GBE1: variants seen among roughly 807,000 people sequenced by gnomAD.
The protein encoded by GBE1 is 1,4-alpha-glucan branching enzyme 1.
A neutral mutation model predicts 88.8 loss-of-function variants in GBE1; 70 were observed. That is an observed-to-expected ratio of 0.79 (90% CI 0.65 to 0.96). The LOEUF (loss-of-function observed/expected upper bound fraction) is 0.96. Ranked by LOEUF, GBE1 falls within the 40% of genes least tolerant of loss-of-function variation. The pLI is 0.00. For synonymous variants in GBE1, 284 were observed against 300.1 expected, an observed-to-expected ratio of 0.95 and a Z score of 0.56; for missense variants, 872 against 871.0, an observed-to-expected ratio of 1.00 and a Z score of -0.01.
At chr3:81,741,665 G>A (rs1468080876) in intron 1 of GBE1, among the ~76,000 whole-genome samples, 1 of 151,496 alleles carries the variant, frequency 6.6e-6, no homozygotes, top group East Asian at 1.9e-4. Flanking sequence ...TAAAAGCCAT[G>A]CATACATCAC....
In GBE1 at chr3:81,578,043, A is replaced by T. The variant is rs1411088422; in HGVS notation, c.1500T>A (p.Tyr500Ter). The change falls in exon 12 of 16, where the codon TAT (tyrosine) becomes TAA (stop). Residue 500 changes from tyrosine (Y) to a stop codon, truncating the protein, a stop_gained. Transcript: ENST00000429644. LOFTEE classifies it high-confidence loss of function. Reference sequence around the variant, plus strand: ...AAGGAGTCAGGACACTCATGTTTGTATACATTTCGGCATCCATCAACCAAA... The same window carrying T: ...AAGGAGTCAGGACACTCATGTTTGTTTACATTTCGGCATCCATCAACCAAA... The part of the protein sequence containing the change: ...LAFWLMDAEM[Y>*]TNMSVLTPFT... 1 of 1,610,046 alleles carries T rather than the reference A, an allele frequency of 6.2e-7. No homozygotes were observed. Among genetic ancestry groups the T allele is most frequent in the Non-Finnish European group, 8.5e-7 (1 of 1,178,190 alleles).
At chr3:81,682,072 A>G (rs1705353208) in intron 2 of GBE1, among the ~76,000 whole-genome samples, 1 of 152,234 alleles carries the variant, frequency 6.6e-6, no homozygotes, top group Non-Finnish European at 1.5e-5. Context: ...ATATTTAACA[A>G]TTGAATAAAA....
intron 7 of GBE1, among the ~76,000 whole-genome samples, chr3:81,608,332 T>C (rs568395732): frequency 1.5e-4 from 23 of 152,206 alleles, no homozygotes; most frequent in Non-Finnish European, 1.2e-4. Flanking sequence ...CCACGGTGCT[T>C]CTTCCATTGA....
chr3:81,558,708 T>C (rs1703381193), intron 12 of GBE1, among the ~76,000 whole-genome samples: 1 of 152,134 alleles, frequency 6.6e-6, no homozygotes, highest in Admixed American at 6.6e-5. Context: ...ATATTAAATG[T>C]TAATGTGTAT....
At chr3:81,676,289 G>T (rs1225629892) in intron 2 of GBE1, among the ~76,000 whole-genome samples, 4 of 151,920 alleles carry the variant, frequency 2.6e-5, no homozygotes, top group Admixed American at 2.0e-4. Context: ...CAACATTTAG[G>T]AACCTCCAAG....
intron 3 of GBE1, among the ~76,000 whole-genome samples, chr3:81,662,033 T>C (rs1705038866): frequency 2.6e-5 from 4 of 152,162 alleles, no homozygotes. Flanking sequence ...ATTTTTTTAA[T>C]TTTATTTATT....
chr3:81,520,218 T>C (rs757038266), intron 14 of GBE1, among the ~76,000 whole-genome samples: 1 of 151,534 alleles, frequency 6.6e-6, no homozygotes, highest in Non-Finnish European at 1.5e-5. Flanking sequence ...TTTTTTCAAA[T>C]TGAAAGTTTG....
intron 2 of GBE1, among the ~76,000 whole-genome samples, chr3:81,685,620 G>A (rs1234522935): frequency 1.3e-5 from 2 of 152,044 alleles, no homozygotes; most frequent in Non-Finnish European, 2.9e-5. Flanking sequence ...GATCTCAGGC[G>A]ATCCATCTGT....
rs1212282630 is a variant in GBE1, at chr3:81,627,794, T to C, written c.992+14987A>G. Among the ~76,000 whole-genome samples the C allele has an allele frequency of 6.0e-5, 9 of 150,930 alleles. No homozygotes were observed. The Admixed American group carries it at 6.0e-4, about 10-fold the overall frequency. ...AAAACATATATATTTGTTGTTGTTG[T>C]TGTTCTTGTTATTTTCACTTTGTCA... On this transcript the variant is annotated intron_variant, in intron 7 of 15. Coordinates refer to ENST00000429644, the MANE Select transcript of GBE1 (RefSeq NM_000158.4).
chr3:81,587,054 G>A lies in GBE1; in HGVS notation c.1237-864C>T, dbSNP rs117246750. Among the ~76,000 whole-genome samples the A allele has an allele frequency of 2.5e-3, 386 of 151,976 alleles. 16 individuals are homozygous for A. In the East Asian group the frequency reaches 0.071, roughly 28 times the overall value. On this transcript the variant is annotated intron_variant, in intron 9 of 15. Coordinates refer to ENST00000429644, the MANE Select transcript of GBE1 (RefSeq NM_000158.4). ...AGACGGGAGTCCGAACTCCCATCTC[G>A]GCCTCCCAAAGTGCTGCGACAACAG... is the stretch of plus-strand genomic sequence containing the variant.
At position 81,536,894 on chromosome 3, in the gene GBE1, C is replaced by T; in HGVS notation, c.1803+17G>A. 2 of 1,561,608 alleles carry T rather than the reference C, an allele frequency of 1.3e-6. No individual in the cohort carries two copies. The highest frequency in any genetic ancestry group is 8.6e-7 in the Non-Finnish European group (1 of 1,158,164). ...TCATTGGTGACTAAAACACAGCATC[C>T]AGAGTGAAGAGCTTACCTGTGGAGC... On this transcript the variant is annotated intron_variant, in intron 13 of 15. Transcript: ENST00000429644.
intron 2 of GBE1, among the ~76,000 whole-genome samples, chr3:81,687,513 T>C (rs1344789497): frequency 6.6e-6 from 1 of 152,102 alleles, no homozygotes; most frequent in Non-Finnish European, 1.5e-5. Flanking sequence ...ATTACGTGAA[T>C]GAAAAATGAG....
intron 7 of GBE1, among the ~76,000 whole-genome samples, chr3:81,605,126 T>G (rs1368660801): frequency 1.3e-5 from 2 of 152,132 alleles, no homozygotes; most frequent in East Asian, 3.9e-4. Flanking sequence ...AATATAAATC[T>G]CTGGTGATGA....
chr3:81,676,460 T>C (rs966904823), intron 2 of GBE1, among the ~76,000 whole-genome samples: 4 of 152,038 alleles, frequency 2.6e-5, no homozygotes, highest in African/African-American at 9.7e-5. Context: ...AAAGGTAGAT[T>C]TTAATTATAA....
chr3:81,640,617 C>T (rs1704662931), intron 7 of GBE1, among the ~76,000 whole-genome samples: 1 of 151,402 alleles, frequency 6.6e-6, no homozygotes, highest in Non-Finnish European at 1.5e-5. Flanking sequence ...CATATAGCTT[C>T]ATATATAAAT....
At chr3:81,549,076 G>A (rs1703242165) in intron 12 of GBE1, among the ~76,000 whole-genome samples, 1 of 144,322 alleles carries the variant, frequency 6.9e-6, no homozygotes, top group African/African-American at 2.6e-5. Context: ...TGTCACCTAG[G>A]CTAGAGTGCA....
intron 1 of GBE1, among the ~76,000 whole-genome samples, chr3:81,738,128 A>G (rs1706295737): frequency 6.6e-6 from 1 of 151,634 alleles, no homozygotes; most frequent in South Asian, 2.1e-4. Flanking sequence ...TATATGTGCC[A>G]CATTTTCTTA....
At chr3:81,542,854 T>C (rs1703159656) in intron 12 of GBE1, among the ~76,000 whole-genome samples, 1 of 152,018 alleles carries the variant, frequency 6.6e-6, no homozygotes, top group Admixed American at 6.6e-5. Context: ...AAAATAAAAG[T>C]TGAAATTATT....
intron 1 of GBE1, among the ~76,000 whole-genome samples, chr3:81,752,121 A>G: frequency 6.6e-6 from 1 of 152,228 alleles, no homozygotes; most frequent in East Asian, 1.9e-4. Context: ...TGAATATTCT[A>G]TTCATTTGTT....
Sources: gnomAD v4.1 joint callset for allele counts (sites outside exome capture counted in the v4.1 genomes callset) on GRCh38, gnomAD v4.1.1 for gene constraint, MANE v1.5 for transcripts, NCBI Gene and HGNC (gene_info 2026-07-23, HGNC 2026-07-21) for gene names.